Variants in HSF5 observed in about 807,000 individuals in gnomAD.
HSF5 encodes heat shock factor protein 5.
HSF5 carries 5 observed loss-of-function variants against 50.8 expected under a neutral mutation model. The observed-to-expected ratio is 0.10, with a 90% confidence interval of 0.05 to 0.21. HSF5 has a LOEUF of 0.21. Among genes scored for constraint, HSF5 ranks in the 10% least tolerant of loss-of-function variants. HSF5 has a pLI of 1.00. For missense variants in HSF5, 564 were observed against 762.6 expected (o/e 0.74, Z 3.07); for synonymous variants, 307 against 307.4 (o/e 1.00, Z 0.02).
chr17:58,485,203 T>C (rs1037405010), intron 1 of HSF5, among the ~76,000 whole-genome samples: 1 of 152,080 alleles, frequency 6.6e-6, no homozygotes, highest in Non-Finnish European at 1.5e-5. Flanking sequence ...TCCGCCTGCC[T>C]GGGCCTCCCA....
At chr17:58,479,456 C>T (rs1458229809) in intron 2 of HSF5, among the ~76,000 whole-genome samples, 2 of 152,088 alleles carry the variant, frequency 1.3e-5, no homozygotes, top group African/African-American at 4.8e-5. Context: ...GCGCCTGCCA[C>T]CGTGCCTGGC....
Position 58,422,087 on chromosome 17 carries a change from A to C in HSF5, c.*273T>G. On this transcript the variant is annotated 3_prime_UTR_variant, in exon 6 of 6. Transcript: ENST00000323777. Reference sequence around the variant, plus strand: ...TTTTTAGATGCTCCTTGACTATAACAGAAGGTCAGAACTTTTCATTTAAAA... The same window carrying C: ...TTTTTAGATGCTCCTTGACTATAACCGAAGGTCAGAACTTTTCATTTAAAA... 1 of 352,610 alleles carries C rather than the reference A, an allele frequency of 2.8e-6. No individual in the cohort carries two copies. Among genetic ancestry groups the C allele is most frequent in the Non-Finnish European group, 5.2e-6 (1 of 191,644 alleles). The allele number at this position is 352,610 out of a possible 1,614,324, so 21.8% of individuals were successfully genotyped here.
intron 5 of HSF5, among the ~76,000 whole-genome samples, chr17:58,437,866 A>G (rs950251176): frequency 4.6e-5 from 7 of 152,224 alleles, no homozygotes; most frequent in Admixed American, 3.9e-4. Flanking sequence ...AAATAACACT[A>G]TAGCAAACTT....
intron 5 of HSF5, among the ~76,000 whole-genome samples, chr17:58,426,920 A>G (rs1974302125): frequency 6.6e-6 from 1 of 152,090 alleles, no homozygotes; most frequent in South Asian, 2.1e-4. Context: ...TGAAATCACT[A>G]CAATTTGGAC....
intron 3 of HSF5, among the ~76,000 whole-genome samples, chr17:58,465,525 A>C (rs1221194183): frequency 6.6e-6 from 1 of 151,930 alleles, no homozygotes; most frequent in Non-Finnish European, 1.5e-5. Context: ...ATGCTTGATC[A>C]TATCAGCCAT....
chr17:58,447,939 A>C (rs927783431), intron 5 of HSF5, among the ~76,000 whole-genome samples: 1 of 152,202 alleles, frequency 6.6e-6, no homozygotes, highest in African/African-American at 2.4e-5. Flanking sequence ...ACATGAGCCC[A>C]GGAGTTTGAG....
At chr17:58,422,464 C>T in intron 5 of HSF5, 34 bp from the exon 6 acceptor site, 1 of 1,575,122 alleles carries the variant, frequency 6.3e-7, no homozygotes, top group Non-Finnish European at 8.7e-7. Context: ...CCCTCTTAGC[C>T]TCTCTGTAGA....
chr17:58,460,510 C>CATAT (rs1555642696), intron 4 of HSF5, among the ~76,000 whole-genome samples: 8 of 137,270 alleles, frequency 5.8e-5, no homozygotes, highest in Non-Finnish European at 1.1e-4. Flanking sequence ...CACACACACA[C>CATAT]ATACTTTTTT....
intron 2 of HSF5, chr17:58,476,666 G>A (rs2143800708): frequency 8.3e-6 from 13 of 1,571,188 alleles, no homozygotes; most frequent in Non-Finnish European, 1.0e-5. Context: ...TCCCCAAGCA[G>A]TGCAGACACT....
chr17:58,487,676 G>T, intron 1 of HSF5, 49 bp downstream of exon 1: 1 of 1,351,174 alleles, frequency 7.4e-7, no homozygotes, highest in Non-Finnish European at 9.5e-7. Context: ...GTTGCTCCCC[G>T]CCGCCCATGT....
chr17:58,424,059 A>G (rs2429369), intron 5 of HSF5, among the ~76,000 whole-genome samples: 99,462 of 152,070 alleles, frequency 0.65, 32,986 homozygotes, highest in African/African-American at 0.75. Context: ...GTCACCAGGG[A>G]TAGGTGCTTA....
chr17:58,476,949 A>C (rs1407109272), intron 2 of HSF5: 4 of 689,588 alleles, frequency 5.8e-6, no homozygotes. Flanking sequence ...GCGGACGCCC[A>C]TGTGGCACGG....
In HSF5 at chr17:58,488,276, G is replaced by T. The variant is rs1192551175; in HGVS notation, c.-2C>A. The T allele has an allele frequency of 1.6e-5, 24 of 1,460,712 alleles. No homozygotes were observed. The highest frequency in any genetic ancestry group is 2.1e-5 in the Non-Finnish European group (24 of 1,119,836). 90.5% of individuals were successfully genotyped at this position (1,460,712 alleles called of 1,614,324 possible). Reference sequence around the variant, plus strand: ...GGGGGTGGAGAGCAGCGCCTCCATCGCCCCGCCGGGCCGGGGCCTCGCCCC... The same window carrying T: ...GGGGGTGGAGAGCAGCGCCTCCATCTCCCCGCCGGGCCGGGGCCTCGCCCC... On this transcript the variant is annotated 5_prime_UTR_variant, in exon 1 of 6. Coordinates refer to ENST00000323777, the MANE Select transcript of HSF5 (RefSeq NM_001080439.3). This position sits in a 1 kb window ranked among gnomAD's most constrained non-coding sequence, Gnocchi z 4.1.
At chr17:58,429,220 T>C (rs1567905071) in intron 5 of HSF5, among the ~76,000 whole-genome samples, 1 of 152,134 alleles carries the variant, frequency 6.6e-6, no homozygotes, top group Non-Finnish European at 1.5e-5. Flanking sequence ...AGAAAACAGA[T>C]TGGTAGTTGC....
intron 2 of HSF5, among the ~76,000 whole-genome samples, chr17:58,469,026 C>T (rs1225281991): frequency 2.0e-5 from 3 of 150,086 alleles, no homozygotes; most frequent in African/African-American, 7.4e-5. Flanking sequence ...CACAAATATC[C>T]TAGGAAATAA....
intron 3 of HSF5, among the ~76,000 whole-genome samples, chr17:58,464,749 C>T (rs556633339): frequency 1.3e-5 from 2 of 152,276 alleles, no homozygotes; most frequent in East Asian, 3.9e-4. Flanking sequence ...TCTCCTGCCT[C>T]AGCCTCCTGA....
At chr17:58,483,343 C>A (rs1975126294) in intron 1 of HSF5, among the ~76,000 whole-genome samples, 1 of 152,160 alleles carries the variant, frequency 6.6e-6, no homozygotes, top group Non-Finnish European at 1.5e-5. Context: ...AAAGAACATT[C>A]TTTTAAGTCT....
intron 2 of HSF5, among the ~76,000 whole-genome samples, chr17:58,470,910 A>G (rs1428581746): frequency 6.6e-6 from 1 of 152,224 alleles, no homozygotes; most frequent in Non-Finnish European, 1.5e-5. Context: ...TGGGTGACAG[A>G]GTGAGACTCC....
chr17:58,445,721 G>C (rs71372835), intron 5 of HSF5, among the ~76,000 whole-genome samples: 7,106 of 152,158 alleles, frequency 0.047, 262 homozygotes, highest in Non-Finnish European at 0.068. Context: ...TAGGAGCCAG[G>C]GGAAGGAGGA....
Sources: gnomAD v4.1 joint callset for allele counts (sites outside exome capture counted in the v4.1 genomes callset) on GRCh38, gnomAD v4.1.1 for gene constraint, Gnocchi (gnomAD v3.1) non-coding constraint, MANE v1.5 for transcripts, NCBI Gene and HGNC (gene_info 2026-07-23, HGNC 2026-07-21) for gene names.